NRG2: variants seen among roughly 807,000 people sequenced by gnomAD.
NRG2 encodes pro-neuregulin-2, membrane-bound isoform.
A neutral mutation model predicts 73.9 loss-of-function variants in NRG2; 27 were observed. That is an observed-to-expected ratio of 0.37 (90% confidence interval 0.27 to 0.50). NRG2 has a LOEUF of 0.50. Ranked by LOEUF, NRG2 falls within the 20% of genes least tolerant of loss-of-function variation. The probability of loss-of-function intolerance (pLI) is 0.96; values close to 1 mark genes in which losing one functional copy is unlikely to be tolerated. For missense variants in NRG2, 1,126 were observed against 1,210.1 expected, an observed-to-expected ratio of 0.93 and a Z score of 1.03; for synonymous variants, 532 against 541.0, an observed-to-expected ratio of 0.98 and a Z score of 0.23.
chr5:139,866,787 T>C (rs1170228616), intron 4 of NRG2, among the ~76,000 whole-genome samples: 1 of 152,166 alleles, frequency 6.6e-6, no homozygotes, highest in Non-Finnish European at 1.5e-5. Flanking sequence ...GTTCTTCTGC[T>C]CTCTGGCTGC....
At chr5:139,968,861 C>G (rs1198114285) in intron 1 of NRG2, among the ~76,000 whole-genome samples, 1 of 152,264 alleles carries the variant, frequency 6.6e-6, no homozygotes, top group Non-Finnish European at 1.5e-5. Context: ...CAGCTTTCCT[C>G]CCAGCCTCAG....
chr5:139,929,466 T>C (rs1022496261), intron 1 of NRG2, among the ~76,000 whole-genome samples: 1 of 152,226 alleles, frequency 6.6e-6, no homozygotes, highest in African/African-American at 2.4e-5. Context: ...CACTTAACAA[T>C]GGCTGTTCAT....
chr5:139,904,909 C>T lies in NRG2; in HGVS notation c.701-17398G>A, dbSNP rs1368191619. 1.3e-5 allele frequency among the ~76,000 whole-genome samples: 2 copies of T among 152,204 alleles called. No homozygotes were observed. The highest frequency in any genetic ancestry group is 4.8e-5 in the African/African-American group (2 of 41,462). ...GGTGGGTCTCCACAACCTCGAGGCA[C>T]CCCCGGCCGTACAGGCGGGTTGCCT... On this transcript the variant is annotated intron_variant, in intron 1 of 9. Transcript: ENST00000361474. This position sits in a 1 kb window ranked among gnomAD's most constrained non-coding sequence, Gnocchi z 6.0.
chr5:140,018,621 T>G (rs1057251213), intron 1 of NRG2, among the ~76,000 whole-genome samples: 3 of 152,182 alleles, frequency 2.0e-5, no homozygotes, highest in African/African-American at 7.2e-5. Flanking sequence ...TTCATCAGCA[T>G]CTCTTAGCCC....
chr5:139,991,509 G>T (rs1757629020), intron 1 of NRG2, among the ~76,000 whole-genome samples: 1 of 151,838 alleles, frequency 6.6e-6, no homozygotes, highest in Non-Finnish European at 1.5e-5. Flanking sequence ...GCCCAGGCTG[G>T]AGTGCAGTGG....
chr5:139,933,865 G>C (rs1033084208), intron 1 of NRG2, among the ~76,000 whole-genome samples: 1 of 152,350 alleles, frequency 6.6e-6, no homozygotes, highest in Non-Finnish European at 1.5e-5. Flanking sequence ...TAGATTTTAA[G>C]AGATACGTTT....
chr5:140,028,346 A>T (rs1760863486), intron 1 of NRG2, among the ~76,000 whole-genome samples: 2 of 152,232 alleles, frequency 1.3e-5, no homozygotes, highest in Non-Finnish European at 2.9e-5. Context: ...CTGAAGAAAA[A>T]AATAAAAATA....
chr5:139,979,944 T>C (rs1476783786), intron 1 of NRG2, among the ~76,000 whole-genome samples: 1 of 152,154 alleles, frequency 6.6e-6, no homozygotes, highest in African/African-American at 2.4e-5. Context: ...ATAACTAATA[T>C]AAGAGGCCAT....
chr5:139,859,773 G>T, intron 5 of NRG2: 1 of 1,068,804 alleles, frequency 9.4e-7, no homozygotes, highest in Non-Finnish European at 1.4e-6. Context: ...GAGATTTTTG[G>T]AATCATCCCT....
rs192631187 is a variant in NRG2 at position 140,022,458 on chromosome 5, T to C, written c.700+19912A>G. ...CCTTTACAAGCTTTTTAATGCTATG[T>C]CCATGTTGTACTCATCTTTACCTTT... is the stretch of plus-strand genomic sequence containing the variant. On this transcript the variant is annotated intron_variant, in intron 1 of 9. Transcript: ENST00000361474. 5.9e-5 allele frequency among the ~76,000 whole-genome samples: 9 copies of C among 152,342 alleles called. No individual in the cohort carries two copies. The East Asian group carries it at 1.7e-3, about 29-fold the overall frequency.
intron 1 of NRG2, among the ~76,000 whole-genome samples, chr5:139,951,357 T>G (rs904565949): frequency 2.0e-5 from 3 of 152,196 alleles, no homozygotes; most frequent in African/African-American, 7.2e-5. Context: ...TTGTTCCTGC[T>G]CTTCAAGCCC....
chr5:139,919,989 A>G (rs924170452), intron 1 of NRG2, among the ~76,000 whole-genome samples: 9 of 152,238 alleles, frequency 5.9e-5, no homozygotes, highest in Non-Finnish European at 1.3e-4. Flanking sequence ...AACAAAAATG[A>G]ATGGTCCAGA....
chr5:139,973,771 T>G (rs1027408635), intron 1 of NRG2, among the ~76,000 whole-genome samples: 2 of 152,246 alleles, frequency 1.3e-5, no homozygotes, highest in African/African-American at 4.8e-5. Flanking sequence ...ATTCAGTGTC[T>G]GGTGAGGGCC....
chr5:140,037,241 C>T (rs1043786492), intron 1 of NRG2, among the ~76,000 whole-genome samples: 4 of 152,278 alleles, frequency 2.6e-5, no homozygotes, highest in Middle Eastern at 3.4e-3. Context: ...GATCACCAAG[C>T]GTGTGAAACA....
At chr5:139,897,091 T>A (rs1764593390) in intron 1 of NRG2, among the ~76,000 whole-genome samples, 1 of 152,202 alleles carries the variant, frequency 6.6e-6, no homozygotes, top group South Asian at 2.1e-4. Flanking sequence ...CCTGCCTCCA[T>A]GCCCTCTGCT....
chr5:140,016,021 T>G (rs1173607969), intron 1 of NRG2, among the ~76,000 whole-genome samples: 1 of 152,206 alleles, frequency 6.6e-6, no homozygotes, highest in Non-Finnish European at 1.5e-5. Context: ...TCATTCATTC[T>G]ACACTGGGGA....
rs1456637386 is a variant in NRG2, at chr5:139,851,528, C to T, written c.1772+76G>A. On this transcript the variant is annotated intron_variant, in intron 9 of 9. Coordinates refer to ENST00000361474, the MANE Select transcript of NRG2 (RefSeq NM_004883.3). The surrounding 1 kb of genome is among the most constrained non-coding windows in gnomAD (Gnocchi z 4.2). ...GGCTCTTTGGAGTGTTTCTGAGGGG[C>T]CCTAAGGGTCAGCCTTGGGCCAGTG... The T allele has an allele frequency of 1.5e-5, 21 of 1,389,294 alleles. No homozygotes were observed. The Admixed American group carries it at 2.6e-4, about 17-fold the overall frequency. The allele number at this position is 1,389,294 out of a possible 1,614,324, so 86.1% of individuals were successfully genotyped here.
rs774490805 is a variant in NRG2 at position 139,851,561 on chromosome 5, C to T, written c.1772+43G>A. On this transcript the variant is annotated intron_variant, in intron 9 of 9. Coordinates refer to ENST00000361474, the MANE Select transcript of NRG2 (RefSeq NM_004883.3). The surrounding 1 kb of genome is among the most constrained non-coding windows in gnomAD (Gnocchi z 4.2). ...GTCAGCCTTGGGCCAGTGGTGCCAG[C>T]CCTCTGGCTAAGCGGGGAATAGGTC... 3.8e-5 allele frequency: 61 copies of T among 1,584,654 alleles called. No homozygotes were observed. The highest frequency in any genetic ancestry group is 4.5e-5 in the Non-Finnish European group (52 of 1,156,014).
chr5:139,896,184 G>T (rs1340358159), intron 1 of NRG2, among the ~76,000 whole-genome samples: 1 of 152,126 alleles, frequency 6.6e-6, no homozygotes, highest in Admixed American at 6.5e-5. Context: ...TCTTTCTGAG[G>T]GTCTGCCAAG....
Sources: gnomAD v4.1 joint callset for allele counts (sites outside exome capture counted in the v4.1 genomes callset) on GRCh38, gnomAD v4.1.1 for gene constraint, Gnocchi (gnomAD v3.1) non-coding constraint, MANE v1.5 for transcripts, NCBI Gene and HGNC (gene_info 2026-07-23, HGNC 2026-07-21) for gene names.